Variants in RSRC1 observed in about 807,000 individuals in gnomAD.
RSRC1 encodes the protein arginine and serine rich coiled-coil 1.
In RSRC1, 39 loss-of-function variants were observed where a neutral mutation model predicts 49.1. The ratio of observed to expected loss-of-function variants is 0.79; its 90% CI spans 0.61 to 1.04. The LOEUF is 1.04. Ranked by LOEUF, RSRC1 falls within the 50% of genes least tolerant of loss-of-function variation. RSRC1 has a pLI of 0.00. For missense variants in RSRC1, 388 were observed against 402.4 expected, an observed-to-expected ratio of 0.96 and a Z score of 0.31; for synonymous variants, 143 against 130.8, an observed-to-expected ratio of 1.09 and a Z score of -0.63.
intron 4 of RSRC1, among the ~76,000 whole-genome samples, chr3:158,281,772 G>A (rs1038151458): frequency 6.6e-6 from 1 of 152,168 alleles, no homozygotes; most frequent in Admixed American, 6.5e-5. Context: ...GTAACATGGG[G>A]GAACCACTGA....
At chr3:158,298,276 C>CT (rs760704594) in intron 5 of RSRC1, among the ~76,000 whole-genome samples, 1 of 151,530 alleles carries the variant, frequency 6.6e-6, no homozygotes, top group Non-Finnish European at 1.5e-5. Flanking sequence ...TTTTAAATTA[C>CT]TTTTTTTTGA....
At chr3:158,249,130 A>T (rs1160990916) in intron 4 of RSRC1, among the ~76,000 whole-genome samples, 1 of 152,180 alleles carries the variant, frequency 6.6e-6, no homozygotes, top group African/African-American at 2.4e-5. Flanking sequence ...CTATTTTAAA[A>T]AATCATTTTA....
At chr3:158,302,194 T>C (rs751338387) in intron 5 of RSRC1, among the ~76,000 whole-genome samples, 28 of 152,052 alleles carry the variant, frequency 1.8e-4, no homozygotes, top group Non-Finnish European at 3.2e-4. Context: ...GCAGAAGATA[T>C]GAGATTCCTG....
intron 3 of RSRC1, among the ~76,000 whole-genome samples, chr3:158,142,680 A>G (rs1716821384): frequency 6.6e-6 from 1 of 152,192 alleles, no homozygotes; most frequent in South Asian, 2.1e-4. Context: ...TAAACAAACC[A>G]GATCTCCGTA....
At chr3:158,409,600 G>T (rs1055946898) in intron 6 of RSRC1, among the ~76,000 whole-genome samples, 7 of 152,038 alleles carry the variant, frequency 4.6e-5, no homozygotes, top group Admixed American at 4.6e-4. Context: ...TTGCCTATTT[G>T]TTCAATAACA....
At chr3:158,477,058 G>A (rs547010533) in intron 7 of RSRC1, among the ~76,000 whole-genome samples, 1 of 152,094 alleles carries the variant, frequency 6.6e-6, no homozygotes, top group East Asian at 1.9e-4. Flanking sequence ...AACTAGAAGA[G>A]GAACCTGAAG....
intron 3 of RSRC1, among the ~76,000 whole-genome samples, chr3:158,181,123 C>T (rs1280812540): frequency 1.3e-5 from 2 of 152,096 alleles, no homozygotes; most frequent in African/African-American, 2.4e-5. Flanking sequence ...TTTTTAAAAG[C>T]TCCCCAGGTA....
At chr3:158,406,809 G>T (rs534505411) in intron 6 of RSRC1, among the ~76,000 whole-genome samples, 1 of 152,170 alleles carries the variant, frequency 6.6e-6, no homozygotes, top group Non-Finnish European at 1.5e-5. Context: ...GATCTGGTTT[G>T]GGGGGCAGTT....
chr3:158,219,383 A>G (rs867437664), intron 4 of RSRC1, among the ~76,000 whole-genome samples: 2 of 151,474 alleles, frequency 1.3e-5, no homozygotes, highest in Non-Finnish European at 3.0e-5. Flanking sequence ...ATAAGGGCTT[A>G]CATACAGTAC....
At chr3:158,426,965 G>A (rs533516228) in intron 6 of RSRC1, among the ~76,000 whole-genome samples, 2 of 151,836 alleles carry the variant, frequency 1.3e-5, no homozygotes, top group Non-Finnish European at 3.0e-5. Flanking sequence ...CTTGTCCTTA[G>A]CCCCTAGGGA....
intron 6 of RSRC1, among the ~76,000 whole-genome samples, chr3:158,365,787 C>G (rs1186105049): frequency 6.6e-6 from 1 of 152,180 alleles, no homozygotes; most frequent in Non-Finnish European, 1.5e-5. Flanking sequence ...ATTTCTATTT[C>G]TCCACATCCT....
At chr3:158,487,494 A>G (rs540459452) in intron 7 of RSRC1, among the ~76,000 whole-genome samples, 4 of 152,246 alleles carry the variant, frequency 2.6e-5, no homozygotes, top group Non-Finnish European at 4.4e-5. Context: ...GTTATTGTCT[A>G]TTTGATGAAC....
At chr3:158,522,499 T>C (rs1473246623) in intron 7 of RSRC1, among the ~76,000 whole-genome samples, 1 of 152,064 alleles carries the variant, frequency 6.6e-6, no homozygotes, top group Non-Finnish European at 1.5e-5. Flanking sequence ...AAAGATAATA[T>C]GGCATTTAGG....
At chr3:158,261,080 A>G (rs962218552) in intron 4 of RSRC1, among the ~76,000 whole-genome samples, 2 of 152,186 alleles carry the variant, frequency 1.3e-5, no homozygotes, top group Non-Finnish European at 2.9e-5. Context: ...TTGTGTGGAT[A>G]GTTGTTTAAT....
chr3:158,391,408 A>C (rs1158215142), intron 6 of RSRC1, among the ~76,000 whole-genome samples: 2 of 152,150 alleles, frequency 1.3e-5, no homozygotes, highest in Non-Finnish European at 2.9e-5. Flanking sequence ...AGGGGTTGAA[A>C]GTTTCCATAT....
At chr3:158,323,084 T>C (rs1728855957) in intron 5 of RSRC1, among the ~76,000 whole-genome samples, 1 of 152,178 alleles carries the variant, frequency 6.6e-6, no homozygotes. Context: ...TAATTTTTGG[T>C]TGAAAATTGG....
At chr3:158,228,659 C>G (rs191125492) in intron 4 of RSRC1, among the ~76,000 whole-genome samples, 1 of 148,448 alleles carries the variant, frequency 6.7e-6, no homozygotes, top group African/African-American at 2.5e-5. Flanking sequence ...GAAAATACAT[C>G]TACCAGGCTT....
intron 7 of RSRC1, among the ~76,000 whole-genome samples, chr3:158,502,239 A>T (rs1739638689): frequency 6.6e-6 from 1 of 152,122 alleles, no homozygotes; most frequent in Admixed American, 6.5e-5. Context: ...TCTGCTGTTA[A>T]TCTGATAGGT....
At position 158,330,439 on chromosome 3, in the gene RSRC1, A is replaced by G. The variant is rs552208222; in HGVS notation, c.532-24418A>G. ...GCTAGATTCTTAAAATGAAAATCCT[A>G]TGTCAAAGGGTATGAGTATTTTAAA... On this transcript the variant is annotated intron_variant, in intron 5 of 9. Coordinates refer to ENST00000611884, the MANE Select transcript of RSRC1 (RefSeq NM_001271838.2). Among the ~76,000 whole-genome samples, 24 of 152,320 alleles carry G rather than the reference A, an allele frequency of 1.6e-4. No homozygotes were observed. In the East Asian group the frequency reaches 4.0e-3, roughly 26 times the overall value.
Sources: gnomAD v4.1 joint callset for allele counts (sites outside exome capture counted in the v4.1 genomes callset) on GRCh38, gnomAD v4.1.1 for gene constraint, MANE v1.5 for transcripts, NCBI Gene and HGNC (gene_info 2026-07-23, HGNC 2026-07-21) for gene names.